Variants in WDR72 observed in about 807,000 individuals in gnomAD.
WDR72 encodes the protein WD repeat domain 72.
In WDR72, 120 loss-of-function variants were observed where a neutral mutation model predicts 124.2. That is an observed-to-expected ratio of 0.97 (90% CI 0.83 to 1.12). The LOEUF (loss-of-function observed/expected upper bound fraction) is 1.12. Among genes scored for constraint, WDR72 ranks in the 50% most tolerant of loss-of-function variants. The pLI, the probability that WDR72 is intolerant of heterozygous loss-of-function variation, is 0.00. For synonymous variants in WDR72, 452 were observed against 441.7 expected (o/e 1.02, Z -0.29); for missense variants, 1,387 against 1,278.8 (o/e 1.08, Z -1.29).
chr15:53,637,344 G>A (rs1215323210), intron 14 of WDR72, among the ~76,000 whole-genome samples: 12 of 152,138 alleles, frequency 7.9e-5, no homozygotes, highest in Non-Finnish European at 1.8e-4. Flanking sequence ...CATCATCTGA[G>A]TCTGGGGACC....
intron 14 of WDR72, among the ~76,000 whole-genome samples, chr15:53,653,908 C>A (rs996807111): frequency 2.6e-5 from 4 of 152,006 alleles, no homozygotes; most frequent in African/African-American, 9.6e-5. Context: ...AATAATAGTA[C>A]TAAATAGAAA....
At chr15:53,728,257 G>C (rs2018100701) in intron 2 of WDR72, among the ~76,000 whole-genome samples, 1 of 152,148 alleles carries the variant, frequency 6.6e-6, no homozygotes, top group South Asian at 2.1e-4. Flanking sequence ...AAAACCATCA[G>C]ATCTTGTGAG....
chr15:53,678,596 G>A (rs994191904), intron 13 of WDR72, among the ~76,000 whole-genome samples: 1 of 152,130 alleles, frequency 6.6e-6, no homozygotes, highest in Non-Finnish European at 1.5e-5. Context: ...TACTATAGAG[G>A]GAGTCTTACA....
chr15:53,546,733 C>G (rs1004680995), intron 18 of WDR72, among the ~76,000 whole-genome samples: 12 of 151,752 alleles, frequency 7.9e-5, no homozygotes, highest in African/African-American at 2.4e-4. Flanking sequence ...ATAAAACAAA[C>G]AAACCACTAA....
At chr15:53,638,393 C>T (rs1453190172) in intron 14 of WDR72, among the ~76,000 whole-genome samples, 1 of 152,066 alleles carries the variant, frequency 6.6e-6, no homozygotes, top group East Asian at 1.9e-4. Context: ...CAGAGGGCTA[C>T]CCTGGAATAG....
intron 13 of WDR72, among the ~76,000 whole-genome samples, chr15:53,668,768 T>C (rs2015865357): frequency 6.6e-6 from 1 of 151,576 alleles, no homozygotes; most frequent in Non-Finnish European, 1.5e-5. Flanking sequence ...TAGCCGGACA[T>C]GGTGGCATGT....
At chr15:53,628,475 A>G (rs994624123) in intron 14 of WDR72, among the ~76,000 whole-genome samples, 2 of 152,180 alleles carry the variant, frequency 1.3e-5, no homozygotes, top group Non-Finnish European at 2.9e-5. Flanking sequence ...AGCCGGCATC[A>G]TAAGTTTGAC....
intron 1 of WDR72, among the ~76,000 whole-genome samples, chr15:53,741,791 G>C (rs1304462696): frequency 6.6e-6 from 1 of 151,386 alleles, no homozygotes; most frequent in Non-Finnish European, 1.5e-5. Flanking sequence ...GTGGTGGCAC[G>C]ATCTCTGCTC....
intron 8 of WDR72, 91 bp downstream of exon 8, chr15:53,711,245 A>G: frequency 6.3e-7 from 1 of 1,582,598 alleles, no homozygotes; most frequent in Non-Finnish European, 8.7e-7. Flanking sequence ...GTTTTTGATC[A>G]TGGGCAGCAT....
upstream of WDR72, among the ~76,000 whole-genome samples, chr15:53,762,107 A>C (rs912172693): frequency 4.6e-4 from 70 of 152,058 alleles, no homozygotes. Flanking sequence ...TCCTGGAAGC[A>C]GGTTGGGAGA....
chr15:53,656,424 A>G (rs945840529), intron 14 of WDR72, among the ~76,000 whole-genome samples: 1 of 152,094 alleles, frequency 6.6e-6, no homozygotes, highest in South Asian at 2.1e-4. Context: ...GTCTTAATAC[A>G]TTTTGTTTTT....
At chr15:53,622,324 G>C (rs910494692) in intron 14 of WDR72, among the ~76,000 whole-genome samples, 2 of 151,944 alleles carry the variant, frequency 1.3e-5, no homozygotes, top group Non-Finnish European at 2.9e-5. Flanking sequence ...ATACATGCAA[G>C]TGTTATGTTC....
chr15:53,596,685 C>A (rs755358549), intron 18 of WDR72, among the ~76,000 whole-genome samples: 6 of 152,058 alleles, frequency 3.9e-5, no homozygotes, highest in Non-Finnish European at 7.4e-5. Flanking sequence ...GTTCTTCTAG[C>A]AAATATTTAT....
intron 18 of WDR72, among the ~76,000 whole-genome samples, chr15:53,596,692 T>G (rs2012790462): frequency 6.6e-6 from 1 of 152,166 alleles, no homozygotes; most frequent in Admixed American, 6.6e-5. Flanking sequence ...TAGCAAATAT[T>G]TATGATTATA....
chr15:53,635,263 C>T (rs1347522122), intron 14 of WDR72, among the ~76,000 whole-genome samples: 3 of 152,178 alleles, frequency 2.0e-5, no homozygotes, highest in Admixed American at 6.5e-5. Flanking sequence ...AAAAGACAAA[C>T]GTAGGTAGAG....
intron 1 of WDR72, among the ~76,000 whole-genome samples, chr15:53,745,815 C>T (rs947073493): frequency 2.6e-5 from 4 of 151,968 alleles, no homozygotes; most frequent in African/African-American, 9.7e-5. Context: ...AATGAAGGCC[C>T]AGGGAAGTTG....
At chr15:53,581,343 C>A (rs1201901440) in intron 18 of WDR72, among the ~76,000 whole-genome samples, 1 of 151,954 alleles carries the variant, frequency 6.6e-6, no homozygotes, top group Non-Finnish European at 1.5e-5. Flanking sequence ...CATCCATCTA[C>A]CTTAATTTCA....
intron 18 of WDR72, among the ~76,000 whole-genome samples, chr15:53,547,524 T>TAA (rs1477002424): frequency 5.9e-5 from 9 of 152,208 alleles, no homozygotes; most frequent in Non-Finnish European, 8.8e-5. Flanking sequence ...CAGTGATCAA[T>TAA]AATCTTTGTA....
intron 13 of WDR72, among the ~76,000 whole-genome samples, chr15:53,668,586 G>A (rs1331647899): frequency 5.9e-5 from 9 of 152,046 alleles, no homozygotes. Context: ...AGAGCGTGCT[G>A]GAAACACCTA....
Sources: gnomAD v4.1 joint callset for allele counts (sites outside exome capture counted in the v4.1 genomes callset) on GRCh38, gnomAD v4.1.1 for gene constraint, MANE v1.5 for transcripts, NCBI Gene and HGNC (gene_info 2026-07-23, HGNC 2026-07-21) for gene names.